The following PHKB variants were observed in gnomAD, a reference collection of about 807,000 sequenced individuals.
The protein encoded by PHKB is phosphorylase kinase regulatory subunit beta, also known as phosphorylase b kinase regulatory subunit beta.
PHKB carries 122 observed loss-of-function variants against 152.1 expected under a neutral mutation model. The observed-to-expected ratio is 0.80, with a 90% confidence interval of 0.69 to 0.93. The LOEUF is 0.93. PHKB is among the 40% of genes least tolerant of loss of function. The probability of loss-of-function intolerance (pLI) is 0.00; values close to 1 mark genes in which losing one functional copy is unlikely to be tolerated. For missense variants in PHKB, 1,304 were observed against 1,328.4 expected, an observed-to-expected ratio of 0.98 and a Z score of 0.29; for synonymous variants, 436 against 464.9, an observed-to-expected ratio of 0.94 and a Z score of 0.80.
Position 47,594,197 on chromosome 16 carries a change from T to G in PHKB, c.1187T>G (p.Leu396Arg), listed in dbSNP as rs748819123. Residue 396 changes from leucine to arginine, a missense_variant, in exon 12 of 31, where the codon CTT becomes CGT. By Grantham distance (102) the Leu-to-Arg change is moderately radical. Coordinates refer to ENST00000323584, the MANE Select transcript of PHKB (RefSeq NM_000293.3). The stretch of plus-strand genomic sequence containing the variant: ...TATCAGGATCTTTTGACTCCAGTAC[T>G]TCATCATACCACAGAAGGTATAGTT... The part of the protein sequence containing the change: ...QEYQDLLTPV[L>R]HHTTEGYPVV... 6.4e-7 allele frequency: 1 copy of G among 1,554,358 alleles called. No homozygotes were observed. The highest frequency in any genetic ancestry group is 1.7e-5 in the Admixed American group (1 of 59,860).
intron 1 of PHKB, 58 bp downstream of exon 1, chr16:47,461,484 A>T: frequency 6.3e-7 from 1 of 1,575,216 alleles, no homozygotes; most frequent in Non-Finnish European, 8.7e-7. Context: ...GCTTCGCCTC[A>T]AGCGCCTTGG....
intron 8 of PHKB, 37 bp downstream of exon 8, chr16:47,580,395 A>G: frequency 7.1e-7 from 1 of 1,404,170 alleles, no homozygotes; most frequent in East Asian, 2.3e-5. Flanking sequence ...TGATTATTTG[A>G]ATTGCACATT....
chr16:47,547,632 A>T lies in PHKB; in HGVS notation c.710+84A>T, dbSNP rs1047510341. On this transcript the variant is annotated intron_variant, in intron 7 of 30. Coordinates refer to ENST00000323584, the MANE Select transcript of PHKB (RefSeq NM_000293.3). ...AAGAAATACTGAAGCATTAGATTGG[A>T]ACTGTGATTCATATGTTAATTTGTA... 4 of 803,024 alleles carry T rather than the reference A, an allele frequency of 5.0e-6. No homozygotes were observed. In the African/African-American group the frequency reaches 5.2e-5, roughly 10 times the overall value. 49.7% of individuals were successfully genotyped at this position (803,024 alleles called of 1,614,324 possible). A position where few individuals can be genotyped will look rare whatever the true frequency, so the allele number is the denominator to read the frequency against.
At chr16:47,691,281 T>C (rs1974055140) in intron 27 of PHKB, among the ~76,000 whole-genome samples, 1 of 152,194 alleles carries the variant, frequency 6.6e-6, no homozygotes, top group African/African-American at 2.4e-5. Context: ...CAATTCTGGA[T>C]TGGATTCTGG....
intron 14 of PHKB, among the ~76,000 whole-genome samples, chr16:47,614,721 A>G (rs1414195444): frequency 6.6e-6 from 1 of 152,212 alleles, no homozygotes; most frequent in Non-Finnish European, 1.5e-5. Flanking sequence ...TGAGCAGCAC[A>G]TCAAATTGTG....
intron 24 of PHKB, chr16:47,663,954 G>A (rs1439511657): frequency 6.7e-6 from 4 of 593,232 alleles, no homozygotes; most frequent in Non-Finnish European, 1.2e-5. Flanking sequence ...GATTGAACCT[G>A]AAGAGTATTC....
chr16:47,695,182 C>T (rs1005315116), intron 28 of PHKB, among the ~76,000 whole-genome samples: 2 of 152,148 alleles, frequency 1.3e-5, no homozygotes, highest in African/African-American at 4.8e-5. Flanking sequence ...ACACTACTTA[C>T]CCTAAGTCCT....
Position 47,681,594 on chromosome 16 carries a change from C to T in PHKB, c.2631-7447C>T, listed in dbSNP as rs553760381. ...TTTATCAGAGACTAGGATTGCAACC[C>T]CTGCCTTTTTTTGTTTTCCATTTGC... On this transcript the variant is annotated intron_variant, in intron 26 of 30. Coordinates refer to ENST00000323584, the MANE Select transcript of PHKB (RefSeq NM_000293.3). Among the ~76,000 whole-genome samples, 290 of 151,928 alleles carry T rather than the reference C, an allele frequency of 1.9e-3. 1 individual carries two copies. The highest frequency in any genetic ancestry group is 6.5e-3 in the African/African-American group (269 of 41,456).
intron 14 of PHKB, among the ~76,000 whole-genome samples, chr16:47,623,970 A>G (rs1442416486): frequency 6.6e-6 from 1 of 152,236 alleles, no homozygotes; most frequent in African/African-American, 2.4e-5. Context: ...TAGAAATATC[A>G]GAATATAATG....
chr16:47,682,143 T>C (rs539047106), intron 26 of PHKB, among the ~76,000 whole-genome samples: 57 of 152,360 alleles, frequency 3.7e-4, no homozygotes, highest in Non-Finnish European at 6.9e-4. Flanking sequence ...GTTAGTCTGA[T>C]GGCCTTCCCT....
intron 20 of PHKB, among the ~76,000 whole-genome samples, chr16:47,657,891 C>T (rs1282889801): frequency 6.6e-6 from 1 of 152,114 alleles, no homozygotes; most frequent in Non-Finnish European, 1.5e-5. Flanking sequence ...CAGAATCTAA[C>T]CACTTCCCAT....
Position 47,661,705 on chromosome 16 carries a change from A to T in PHKB, c.2197-14A>T, listed in dbSNP as rs751011084. The T allele has an allele frequency of 1.3e-6, 2 of 1,592,400 alleles. No individual in the cohort carries two copies. Among genetic ancestry groups the T allele is most frequent in the Middle Eastern group, 1.7e-4 (1 of 6,054 alleles). On this transcript the variant is annotated splice_polypyrimidine_tract_variant and intron_variant, in intron 22 of 30. Transcript: ENST00000323584. ...CATTTCATTCCAGTTCCTCACCGTG[A>T]TTTATATTTTCAGGATTGCAGTTGT...
rs151061605 is a variant in PHKB at position 47,660,671 on chromosome 16, A to G, written c.2048A>G (p.Lys683Arg). The change falls in exon 22 of 31, where the codon AAG becomes AGG. Residue 683 changes from lysine (K) to arginine (R), a missense_variant. Transcript: ENST00000323584. ...TTAATTTTTAGGCTTCCAGAATTTAAGAGTTTTGAGGAACTAGAACCTCCC... is the reference window on the plus strand; with the variant it reads ...TTAATTTTTAGGCTTCCAGAATTTAGGAGTTTTGAGGAACTAGAACCTCCC... The part of the protein sequence containing the change: ...ISDTEELPEF[K>R]SFEELEPPKH... 2.5e-6 allele frequency: 4 copies of G among 1,614,030 alleles called. No individual in the cohort carries two copies. In the African/African-American group the frequency reaches 4.0e-5, roughly 16 times the overall value.
chr16:47,495,529 A>G (rs1970217539), intron 1 of PHKB, among the ~76,000 whole-genome samples: 1 of 152,202 alleles, frequency 6.6e-6, no homozygotes. Flanking sequence ...CCACCTCAGC[A>G]AAGGTGTCCC....
chr16:47,684,929 C>T (rs1337403104), intron 26 of PHKB, among the ~76,000 whole-genome samples: 1 of 152,174 alleles, frequency 6.6e-6, no homozygotes, highest in East Asian at 1.9e-4. Context: ...TTTGGTCAGT[C>T]GTGTGTATCT....
At chr16:47,670,265 C>T (rs1221721477) in intron 26 of PHKB, among the ~76,000 whole-genome samples, 1 of 152,124 alleles carries the variant, frequency 6.6e-6, no homozygotes, top group African/African-American at 2.4e-5. Flanking sequence ...GAGGGTGTTT[C>T]TCAAGTGTTT....
chr16:47,550,622 C>T (rs566350577), intron 7 of PHKB, among the ~76,000 whole-genome samples: 9 of 152,304 alleles, frequency 5.9e-5, no homozygotes, highest in Admixed American at 2.6e-4. Flanking sequence ...CCTTTCCTTG[C>T]CACACTGAGT....
At position 47,557,420 on chromosome 16, in the gene PHKB, A is replaced by G. The variant is rs548085220; in HGVS notation, c.710+9872A>G. Among the ~76,000 whole-genome samples the G allele has an allele frequency of 8.1e-3, 1,232 of 152,362 alleles. 15 individuals carry two copies. The highest frequency in any genetic ancestry group is 0.029 in the African/African-American group (1,196 of 41,572). On this transcript the variant is annotated intron_variant, in intron 7 of 30. Transcript: ENST00000323584. Reference sequence around the variant, plus strand: ...AACTAAAGAGCTTCTGCACAGCAAAAGAAACTACCACCAGAGTGAACAGGC... The same window carrying G: ...AACTAAAGAGCTTCTGCACAGCAAAGGAAACTACCACCAGAGTGAACAGGC...
At chr16:47,671,048 G>C (rs963611239) in intron 26 of PHKB, among the ~76,000 whole-genome samples, 1 of 151,992 alleles carries the variant, frequency 6.6e-6, no homozygotes, top group Admixed American at 6.6e-5. Flanking sequence ...GTTTTGAAAG[G>C]CAAATCCATA....
Sources: allele counts gnomAD v4.1 joint callset (sites outside exome capture counted in the v4.1 genomes callset), GRCh38; gene constraint gnomAD v4.1.1; transcripts MANE v1.5; gene names NCBI Gene and HGNC (gene_info 2026-07-23, HGNC 2026-07-21).